Variants in ELF2 observed in about 807,000 individuals in gnomAD.
ELF2 encodes the protein E74 like ETS transcription factor 2.
A neutral mutation model predicts 54.8 loss-of-function variants in ELF2; 11 were observed. That is an observed-to-expected ratio of 0.20 (90% confidence interval 0.13 to 0.33). The LOEUF (loss-of-function observed/expected upper bound fraction) is 0.33, where lower values mean the gene tolerates loss of function less well. Among genes scored for constraint, ELF2 ranks in the 10% least tolerant of loss-of-function variants. ELF2 has a pLI of 1.00. For synonymous variants in ELF2, 203 were observed against 245.1 expected (o/e 0.83, Z 1.61); for missense variants, 513 against 703.0 (o/e 0.73, Z 3.06).
intron 4 of ELF2, among the ~76,000 whole-genome samples, chr4:139,102,651 G>A (rs1162934329): frequency 6.6e-6 from 1 of 151,136 alleles, no homozygotes; most frequent in African/African-American, 2.4e-5. Flanking sequence ...GACCAGCCTG[G>A]CCGAGATGGT....
chr4:139,083,516 A>G (rs1578741271), intron 4 of ELF2, among the ~76,000 whole-genome samples: 1 of 152,166 alleles, frequency 6.6e-6, no homozygotes, highest in Admixed American at 6.5e-5. Context: ...CTGAGACTGC[A>G]TAAGGTGGGA....
intron 4 of ELF2, among the ~76,000 whole-genome samples, chr4:139,104,371 G>A (rs933049483): frequency 6.6e-6 from 1 of 151,898 alleles, no homozygotes. Flanking sequence ...TTAGCCAGGC[G>A]TGGTGGTGCC....
chr4:139,102,794 T>TAG (rs1406817723), intron 4 of ELF2, among the ~76,000 whole-genome samples: 4 of 151,268 alleles, frequency 2.6e-5, no homozygotes, highest in East Asian at 1.9e-4. Context: ...TGAGCTGAGA[T>TAG]CATGCCACTG....
In ELF2 at chr4:139,058,361, C is replaced by T. The variant is rs1185929371; in HGVS notation, c.*622G>A. On this transcript the variant is annotated 3_prime_UTR_variant, in exon 10 of 10. Transcript: ENST00000686138. ...AAGAAAATCGAAAATTAGTCTAAGGCCTTTGTTTTAAATCAGCTTAAGCTA... is the reference window on the plus strand; with the variant it reads ...AAGAAAATCGAAAATTAGTCTAAGGTCTTTGTTTTAAATCAGCTTAAGCTA... 1 of 148,764 alleles carries T rather than the reference C, an allele frequency of 6.7e-6. No homozygotes were observed. The highest frequency in any genetic ancestry group is 1.5e-5 in the Non-Finnish European group (1 of 67,422). The allele number at this position is 148,764 out of a possible 1,614,324, so 9.2% of individuals were successfully genotyped here. A position where few individuals can be genotyped will look rare whatever the true frequency, so the allele number is the denominator to read the frequency against.
At chr4:139,160,676 A>C (rs1159194209) in intron 1 of ELF2, among the ~76,000 whole-genome samples, 4 of 152,156 alleles carry the variant, frequency 2.6e-5, no homozygotes, top group African/African-American at 9.7e-5. Context: ...ATATTTTATC[A>C]TATTGGCCAG....
At chr4:139,129,034 G>A (rs61557605) in intron 3 of ELF2, among the ~76,000 whole-genome samples, 4,094 of 151,766 alleles carry the variant, frequency 0.027, 99 homozygotes, top group African/African-American at 0.065. Context: ...TGCCTCCCAG[G>A]TTCAAGTGAT....
At chr4:139,152,891 C>CCT (rs1740155119) in intron 1 of ELF2, among the ~76,000 whole-genome samples, 1 of 104,060 alleles carries the variant, frequency 9.6e-6, no homozygotes, top group African/African-American at 4.0e-5. Flanking sequence ...TAGTGTCATA[C>CCT]TTTTTTTTTT....
At chr4:139,084,920 A>C (rs192507160) in intron 4 of ELF2, among the ~76,000 whole-genome samples, 1 of 152,148 alleles carries the variant, frequency 6.6e-6, no homozygotes. Context: ...TCTGAGACCA[A>C]CTTCGTCCTT....
At chr4:139,130,309 GTTGT>G (rs1480839918) in intron 3 of ELF2, among the ~76,000 whole-genome samples, 2 of 151,838 alleles carry the variant, frequency 1.3e-5, no homozygotes, top group Non-Finnish European at 2.9e-5. Context: ...ATAAATTTCT[GTTGT>G]TTAAGCAACC....
intron 5 of ELF2, among the ~76,000 whole-genome samples, chr4:139,072,436 C>T (rs73852760): frequency 0.014 from 2,157 of 152,244 alleles, 49 homozygotes; most frequent in African/African-American, 0.048. Flanking sequence ...TATTTTTTAA[C>T]AGGTAATATA....
In ELF2 at chr4:139,060,238, A is replaced by C. The variant is rs953140633; in HGVS notation, c.1157+86T>G. ...ACAACACTGGGTTCTTAGAACACTA[A>C]TATTAAGCAAAAGGACATTTTGTTT... On this transcript the variant is annotated intron_variant, in intron 9 of 9. Coordinates refer to ENST00000686138, the MANE Select transcript of ELF2 (RefSeq NM_001331036.3). 5.7e-6 allele frequency: 7 copies of C among 1,229,228 alleles called. No individual in the cohort carries two copies. In the African/African-American group the frequency reaches 1.1e-4, roughly 19 times the overall value. The allele number at this position is 1,229,228 out of a possible 1,614,324, so 76.1% of individuals were successfully genotyped here.
intron 1 of ELF2, among the ~76,000 whole-genome samples, chr4:139,139,995 T>C (rs1244876238): frequency 6.6e-6 from 1 of 152,198 alleles, no homozygotes; most frequent in South Asian, 2.1e-4. Context: ...AGTGGTGAGA[T>C]CACGGCTCAC....
Position 139,072,036 on chromosome 4 carries a change from T to C in ELF2, c.356A>G (p.Glu119Gly). Residue 119 changes from glutamate (E) to glycine (G), a missense_variant, in exon 6 of 10, where the codon GAA becomes GGA. Around this residue, in one of 3 missense-constraint regions of ELF2, gnomAD observed 203 missense variants for 245.9 expected, o/e 0.83. Coordinates refer to ENST00000686138, the MANE Select transcript of ELF2 (RefSeq NM_001331036.3). The part of the protein sequence containing the change: ...TCLRDSRSPV[E>G]VFVPPCVSTP... Reference sequence around the variant, plus strand: ...TGATACACAAGGAGGAACAAACACTTCCACTATAAAAAAAAGTTGAAAAAT... The same window carrying C: ...TGATACACAAGGAGGAACAAACACTCCCACTATAAAAAAAAGTTGAAAAAT... 1 of 1,607,360 alleles carries C rather than the reference T, an allele frequency of 6.2e-7. No homozygotes were observed. Among genetic ancestry groups the C allele is most frequent in the Non-Finnish European group, 8.5e-7 (1 of 1,178,622 alleles).
intron 1 of ELF2, among the ~76,000 whole-genome samples, chr4:139,170,055 A>G (rs543787676): frequency 6.6e-6 from 1 of 152,246 alleles, no homozygotes; most frequent in East Asian, 1.9e-4. Context: ...CTCACCATAC[A>G]CAGAAATTAA....
At chr4:139,097,090 A>G (rs1265711621) in intron 4 of ELF2, among the ~76,000 whole-genome samples, 1 of 152,140 alleles carries the variant, frequency 6.6e-6, no homozygotes, top group Non-Finnish European at 1.5e-5. Flanking sequence ...TCATTATATC[A>G]ATCTTTCTTA....
chr4:139,064,410 T>A (rs1174414376), intron 7 of ELF2, among the ~76,000 whole-genome samples: 1 of 152,238 alleles, frequency 6.6e-6, no homozygotes, highest in Non-Finnish European at 1.5e-5. Flanking sequence ...AATCCAGTTC[T>A]AAGATACAGG....
chr4:139,113,035 G>A (rs1735133746), intron 4 of ELF2, among the ~76,000 whole-genome samples: 1 of 152,158 alleles, frequency 6.6e-6, no homozygotes, highest in Non-Finnish European at 1.5e-5. Flanking sequence ...TAAAACAGAT[G>A]TTTCTTGGTA....
chr4:139,087,687 G>A (rs541519337), intron 4 of ELF2, among the ~76,000 whole-genome samples: 4 of 152,148 alleles, frequency 2.6e-5, no homozygotes, highest in East Asian at 1.9e-4. Context: ...GGATGGTCTC[G>A]ATATCCTGAC....
At chr4:139,156,417 G>C (rs901063147) in intron 1 of ELF2, among the ~76,000 whole-genome samples, 4 of 152,052 alleles carry the variant, frequency 2.6e-5, no homozygotes, top group Admixed American at 6.6e-5. Flanking sequence ...CTGACCTCGT[G>C]ATCCACCCAC....
Sources: allele counts gnomAD v4.1 joint callset (sites outside exome capture counted in the v4.1 genomes callset), GRCh38; gene constraint gnomAD v4.1.1; regional missense constraint gnomAD v4.1.1; transcripts MANE v1.5; gene names NCBI Gene and HGNC (gene_info 2026-07-23, HGNC 2026-07-21).